FLRT2: variants seen among roughly 807,000 people sequenced by gnomAD.
FLRT2 encodes the protein fibronectin leucine rich transmembrane protein 2, also known as leucine-rich repeat transmembrane protein FLRT2.
In FLRT2, 15 loss-of-function variants were observed where a neutral mutation model predicts 40.0. That is an observed-to-expected ratio of 0.38 (90% CI 0.25 to 0.58). The LOEUF (loss-of-function observed/expected upper bound fraction) is 0.58, where lower values mean the gene tolerates loss of function less well. FLRT2 is among the 20% of genes least tolerant of loss of function. The pLI, the probability that FLRT2 is intolerant of heterozygous loss-of-function variation, is 0.71. For missense variants in FLRT2, 726 were observed against 840.0 expected, an observed-to-expected ratio of 0.86 and a Z score of 1.68; for synonymous variants, 380 against 336.8, an observed-to-expected ratio of 1.13 and a Z score of -1.41.
In FLRT2 at chr14:85,648,236, G is replaced by A. The variant is rs1272589815; in HGVS notation, c.*24739G>A. On this transcript the variant is annotated 3_prime_UTR_variant, in exon 2 of 2. Transcript: ENST00000330753. ...TTATTGCTACTTTTTTCAAGTCTAA[G>A]TTCTAGGTACAAAGTGTACACTGTA... 1 of 152,096 alleles carries A rather than the reference G, an allele frequency of 6.6e-6. No individual in the cohort carries two copies. Among genetic ancestry groups the A allele is most frequent in the Admixed American group, 6.6e-5 (1 of 15,256 alleles). 9.4% of individuals were successfully genotyped at this position (152,096 alleles called of 1,614,324 possible).
In FLRT2 at chr14:85,629,424, C is replaced by T. The variant is rs751712191; in HGVS notation, c.*5927C>T. ...ACATTTAAATTTTTATTAAGCACCA[C>T]GATGGAACTCAATCTAAAGGAATAA... On this transcript the variant is annotated 3_prime_UTR_variant, in exon 2 of 2. Transcript: ENST00000330753. 6.6e-6 allele frequency: 1 copy of T among 152,298 alleles called. No homozygotes were observed. Among genetic ancestry groups the T allele is most frequent in the East Asian group, 1.9e-4 (1 of 5,192 alleles). 9.4% of individuals were successfully genotyped at this position (152,298 alleles called of 1,614,324 possible). A position where few individuals can be genotyped will look rare whatever the true frequency, so the allele number is the denominator to read the frequency against.
intron 1 of FLRT2, among the ~76,000 whole-genome samples, chr14:85,590,786 T>C (rs1282781724): frequency 6.6e-6 from 1 of 151,988 alleles, no homozygotes; most frequent in South Asian, 2.1e-4. Flanking sequence ...TTAGTAGAGA[T>C]GGGGTTTCAC....
At chr14:85,533,209 G>A (rs1010539242) in intron 1 of FLRT2, among the ~76,000 whole-genome samples, 1 of 152,160 alleles carries the variant, frequency 6.6e-6, no homozygotes, top group Non-Finnish European at 1.5e-5. Context: ...CAGAGCGCGA[G>A]GGACGGAGGG....
At position 85,650,589 on chromosome 14, in the gene FLRT2, A is replaced by T. The variant is rs1351388299; in HGVS notation, c.*27092A>T. ...TGCCAATTTTCTTTACCACTGGTAA[A>T]ATGTGAGTTTCCACTTTCACATGCT... is the stretch of plus-strand genomic sequence containing the variant. On this transcript the variant is annotated 3_prime_UTR_variant, in exon 2 of 2. Coordinates refer to ENST00000330753, the MANE Select transcript of FLRT2 (RefSeq NM_013231.6). The T allele has an allele frequency of 6.6e-6, 1 of 152,050 alleles. No homozygotes were observed. The highest frequency in any genetic ancestry group is 1.5e-5 in the Non-Finnish European group (1 of 67,986). The allele number at this position is 152,050 out of a possible 1,614,324, so 9.4% of individuals were successfully genotyped here.
chr14:85,566,558 T>TGTGTGTGTGA (rs71120520), intron 1 of FLRT2, among the ~76,000 whole-genome samples: 1 of 150,920 alleles, frequency 6.6e-6, no homozygotes. Flanking sequence ...GTTGTGTGTG[T>TGTGTGTGTGA]GTGTGTGTGT....
chr14:85,594,724 T>C (rs1892054865), intron 1 of FLRT2, among the ~76,000 whole-genome samples: 1 of 152,190 alleles, frequency 6.6e-6, no homozygotes, highest in Non-Finnish European at 1.5e-5. Flanking sequence ...GTTTACTTAA[T>C]GGAGTTGACT....
At position 85,645,110 on chromosome 14, in the gene FLRT2, G is replaced by T. The variant is rs1894260368; in HGVS notation, c.*21613G>T. 1 of 151,846 alleles carries T rather than the reference G, an allele frequency of 6.6e-6. No individual in the cohort carries two copies. Among genetic ancestry groups the T allele is most frequent in the African/African-American group, 2.4e-5 (1 of 41,222 alleles). 9.4% of individuals were successfully genotyped at this position (151,846 alleles called of 1,614,324 possible). On this transcript the variant is annotated 3_prime_UTR_variant, in exon 2 of 2. Transcript: ENST00000330753. The stretch of plus-strand genomic sequence containing the variant: ...TTTGATCAACCAACCATAAAGTTGA[G>T]CTTGGGCAGCAGAACTCCTACATCA...
chr14:85,598,280 A>G (rs1440169440), intron 1 of FLRT2, among the ~76,000 whole-genome samples: 3 of 152,228 alleles, frequency 2.0e-5, no homozygotes, highest in Non-Finnish European at 4.4e-5. Context: ...GCACTCATTA[A>G]TGACAGAGGA....
At chr14:85,555,689 C>CTTTTTTATTTTATTTTATTT (rs372243726) in intron 1 of FLRT2, among the ~76,000 whole-genome samples, 8,511 of 117,832 alleles carry the variant, frequency 0.072, 426 homozygotes, top group Admixed American at 0.13. Context: ...TATCTGAAAT[C>CTTTTTTATTTTATTTTATTT]TATTTTATTT....
chr14:85,622,463 A>C lies in FLRT2; in HGVS notation c.949A>C (p.Ser317Arg). The C allele has an allele frequency of 6.2e-7, 1 of 1,614,184 alleles. No individual in the cohort carries two copies. Among genetic ancestry groups the C allele is most frequent in the African/African-American group, 1.3e-5 (1 of 75,044 alleles). Reference sequence around the variant, plus strand: ...GAATAACCCTTGGTTTTGTGACTGCAGTATTAAATGGGTCACAGAATGGCT... The same window carrying C: ...GAATAACCCTTGGTTTTGTGACTGCCGTATTAAATGGGTCACAGAATGGCT... ...ARNNPWFCDCSIKWVTEWLKY... is the reference protein window; with the variant it reads ...ARNNPWFCDCRIKWVTEWLKY... The change falls in exon 2 of 2, where the codon AGT becomes CGT. Residue 317 changes from serine to arginine, a missense_variant. Coordinates refer to ENST00000330753, the MANE Select transcript of FLRT2 (RefSeq NM_013231.6).
rs1305368317 is a variant in FLRT2 at position 85,635,961 on chromosome 14, C to T, written c.*12464C>T. 6.6e-6 allele frequency: 1 copy of T among 152,092 alleles called. No individual in the cohort carries two copies. The allele number at this position is 152,092 out of a possible 1,614,324, so 9.4% of individuals were successfully genotyped here. On this transcript the variant is annotated 3_prime_UTR_variant, in exon 2 of 2. Transcript: ENST00000330753. ...ATGTTTATATAATTTTTATATAATA[C>T]ACACTTCCAATAATTGATAATAGTC...
intron 1 of FLRT2, among the ~76,000 whole-genome samples, chr14:85,547,397 T>A (rs1178208030): frequency 6.6e-6 from 1 of 151,324 alleles, no homozygotes; most frequent in Non-Finnish European, 1.5e-5. Flanking sequence ...ATCTTGGGCT[T>A]ACTACATCCT....
At chr14:85,562,091 C>T (rs1890366179) in intron 1 of FLRT2, among the ~76,000 whole-genome samples, 2 of 152,178 alleles carry the variant, frequency 1.3e-5, no homozygotes, top group Non-Finnish European at 2.9e-5. Flanking sequence ...AATACCAATG[C>T]TTAGTGTTAG....
At chr14:85,614,398 A>C (rs1048214672) in intron 1 of FLRT2, among the ~76,000 whole-genome samples, 1 of 151,990 alleles carries the variant, frequency 6.6e-6, no homozygotes, top group African/African-American at 2.4e-5. Context: ...TAAAATTCAG[A>C]GAGGTTAAGT....
At position 85,648,220 on chromosome 14, in the gene FLRT2, CT is replaced by C. The variant is rs1283135065; in HGVS notation, c.*24729del. The stretch of plus-strand genomic sequence containing the variant: ...AGGCAGGTGCATGTTGTTATTGCTA[CT>C]TTTTTCAAGTCTAAGTTCTAGGTAC... On this transcript the variant is annotated 3_prime_UTR_variant, in exon 2 of 2. Coordinates refer to ENST00000330753, the MANE Select transcript of FLRT2 (RefSeq NM_013231.6). 1 of 152,032 alleles carries C rather than the reference CT, an allele frequency of 6.6e-6. No homozygotes were observed. The highest frequency in any genetic ancestry group is 1.5e-5 in the Non-Finnish European group (1 of 68,022). The allele number at this position is 152,032 out of a possible 1,614,324, so 9.4% of individuals were successfully genotyped here.
chr14:85,587,287 GAAAA>G (rs748034839), intron 1 of FLRT2, among the ~76,000 whole-genome samples: 1 of 88,216 alleles, frequency 1.1e-5, no homozygotes, highest in Non-Finnish European at 2.5e-5. Context: ...CTAAGGAATG[GAAAA>G]AAAAAAAAAA....
At position 85,626,896 on chromosome 14, in the gene FLRT2, T is replaced by G. The variant is rs1052165928; in HGVS notation, c.*3399T>G. ...CATTTTCTACTAGCACCTATCATAATGGTCTTAGTCATTTCACACAAATCA... is the reference window on the plus strand; with the variant it reads ...CATTTTCTACTAGCACCTATCATAAGGGTCTTAGTCATTTCACACAAATCA... On this transcript the variant is annotated 3_prime_UTR_variant, in exon 2 of 2. Transcript: ENST00000330753. 6.0e-6 allele frequency: 1 copy of G among 167,126 alleles called. No homozygotes were observed. Among genetic ancestry groups the G allele is most frequent in the Non-Finnish European group, 1.5e-5 (1 of 68,120 alleles). 10.4% of individuals were successfully genotyped at this position (167,126 alleles called of 1,614,324 possible). A position where few individuals can be genotyped will look rare whatever the true frequency, so the allele number is the denominator to read the frequency against.
intron 1 of FLRT2, among the ~76,000 whole-genome samples, chr14:85,579,970 G>A (rs1052243482): frequency 1.4e-5 from 2 of 143,996 alleles, no homozygotes; most frequent in African/African-American, 5.2e-5. Context: ...TATCCAAAGG[G>A]GTTGATGCCT....
At position 85,623,082 on chromosome 14, in the gene FLRT2, G is replaced by A. The variant is rs892978595; in HGVS notation, c.1568G>A (p.Ser523Asn). Reference protein sequence around the residue: ...TTHASYLNNGSNTASSHEQTT... With the variant: ...TTHASYLNNGNNTASSHEQTT... Reference sequence around the variant, plus strand: ...CATGCCTCCTATCTGAACAACGGCAGCAACACAGCGTCCAGCCATGAGCAG... The same window carrying A: ...CATGCCTCCTATCTGAACAACGGCAACAACACAGCGTCCAGCCATGAGCAG... The change falls in exon 2 of 2, where the codon AGC becomes AAC. Residue 523 changes from serine to asparagine, a missense_variant. Ser to Asn is a conservative substitution (Grantham distance 46). Coordinates refer to ENST00000330753, the MANE Select transcript of FLRT2 (RefSeq NM_013231.6). The A allele has an allele frequency of 1.9e-6, 3 of 1,614,010 alleles. No individual in the cohort carries two copies. The highest frequency in any genetic ancestry group is 2.7e-5 in the African/African-American group (2 of 74,924).
Sources: gnomAD v4.1 joint callset for allele counts (sites outside exome capture counted in the v4.1 genomes callset) on GRCh38, gnomAD v4.1.1 for gene constraint, MANE v1.5 for transcripts, NCBI Gene and HGNC (gene_info 2026-07-23, HGNC 2026-07-21) for gene names.